Variants in TMEM230 observed in about 807,000 individuals in gnomAD.
TMEM230 encodes UPF0414 transmembrane protein C20orf30.
In TMEM230, 10 loss-of-function variants were observed where a neutral mutation model predicts 15.8. That is an observed-to-expected ratio of 0.63 (90% CI 0.39 to 1.07). The LOEUF (loss-of-function observed/expected upper bound fraction) is 1.07, where lower values mean the gene tolerates loss of function less well. Among genes scored for constraint, TMEM230 ranks in the 50% least tolerant of loss-of-function variants. The pLI is 0.01. For missense variants in TMEM230, 165 were observed against 193.3 expected (o/e 0.85, Z 0.87); for synonymous variants, 67 against 76.9 (o/e 0.87, Z 0.68).
At chr20:5,077,501 C>T (rs1157204981) in intron 3 of TMEM230, among the ~76,000 whole-genome samples, 5 of 137,176 alleles carry the variant, frequency 3.6e-5, no homozygotes, top group Admixed American at 3.6e-4. Context: ...GAGTTCCAGA[C>T]CAGCCTGGTC....
chr20:5,100,896 G>C lies in TMEM230; in HGVS notation c.447C>G (p.Gly149=), dbSNP rs1231708939. 1 of 1,614,196 alleles carries C rather than the reference G, an allele frequency of 6.2e-7. No individual in the cohort carries two copies. Among genetic ancestry groups the C allele is most frequent in the Admixed American group, 1.7e-5 (1 of 60,026 alleles). ...AAAATCCGGGTAGGAACACCAGAAT[G>C]CCAATGATCAGCACTGGAACGGCCC... The change falls in exon 5 of 5, where the codon GGC becomes GGG. Residue 149 remains glycine (G), a synonymous_variant. Transcript: ENST00000342308.
chr20:5,106,147 T>A (rs1433599478), intron 4 of TMEM230, 41 bp downstream of exon 3: 14 of 1,593,258 alleles, frequency 8.8e-6, no homozygotes, highest in South Asian at 3.4e-5. Flanking sequence ...GCTAACATTT[T>A]AAAAATCTCA....
the TMEM230 span, among the ~76,000 whole-genome samples, chr20:5,059,776 T>C: frequency 7.4e-6 from 1 of 134,914 alleles, no homozygotes; most frequent in African/African-American, 2.8e-5. Context: ...TTTTTTTTTT[T>C]TTTTTTTTTT....
At chr20:5,110,900 G>A (rs1479188489) in intron 2 of TMEM230, among the ~76,000 whole-genome samples, 4 of 152,170 alleles carry the variant, frequency 2.6e-5, no homozygotes, top group African/African-American at 9.7e-5. Flanking sequence ...TGTATTAATA[G>A]GCCGGGCGTG....
chr20:5,097,523 AACT>A (rs1185280566), downstream of TMEM230, among the ~76,000 whole-genome samples: 1 of 152,214 alleles, frequency 6.6e-6, no homozygotes, highest in Admixed American at 6.5e-5. Flanking sequence ...ACGGTTCCCC[AACT>A]ACTTCTACTG....
In TMEM230 at chr20:5,092,676, T is replaced by C. The variant is rs550076828; in HGVS notation, c.222+13512A>G. 4.0e-5 allele frequency among the ~76,000 whole-genome samples: 6 copies of C among 149,330 alleles called. No homozygotes were observed. The East Asian group carries it at 9.9e-4, about 25-fold the overall frequency. The stretch of plus-strand genomic sequence containing the variant: ...GTTGCAGTGAGCTGAGATCGCACCA[T>C]TGTACTCCAGCCTGGGCAACAAGAG... On this transcript the variant is annotated intron_variant, in intron 3 of 3. Coordinates refer to the TMEM230 transcript ENST00000612323.
At chr20:5,080,808 G>A (rs938728051) in intron 3 of TMEM230, among the ~76,000 whole-genome samples, 2 of 152,266 alleles carry the variant, frequency 1.3e-5, no homozygotes, top group South Asian at 4.1e-4. Flanking sequence ...TCCCAAAGCT[G>A]GGATTGTAGG....
intron 3 of TMEM230, among the ~76,000 whole-genome samples, chr20:5,084,048 C>G (rs2089259029): frequency 6.6e-6 from 1 of 152,050 alleles, no homozygotes; most frequent in African/African-American, 2.4e-5. Flanking sequence ...CAACTGTTCC[C>G]TTCTTTGTAC....
At chr20:5,082,777 G>A (rs553137150) in intron 3 of TMEM230, among the ~76,000 whole-genome samples, 107 of 152,242 alleles carry the variant, frequency 7.0e-4, no homozygotes, top group African/African-American at 2.5e-3. Flanking sequence ...AAGGCTATCT[G>A]TATATTGACA....
chr20:5,112,387 G>T (rs2090361228), intron 1 of TMEM230, among the ~76,000 whole-genome samples: 1 of 152,182 alleles, frequency 6.6e-6, no homozygotes, highest in African/African-American at 2.4e-5. Context: ...CAAACTACCA[G>T]TATGTGTGGT....
exon 4 of TMEM230, chr20:5,069,143 G>A (rs909608322): frequency 6.9e-7 from 1 of 1,454,938 alleles, no homozygotes; most frequent in African/African-American, 1.4e-5. Context: ...GACATTTTCA[G>A]TTTAGCCCTT....
intron 3 of TMEM230, among the ~76,000 whole-genome samples, chr20:5,089,807 C>G (rs761159024): frequency 6.6e-6 from 1 of 152,124 alleles, no homozygotes; most frequent in Non-Finnish European, 1.5e-5. Context: ...GACCTGAGGT[C>G]AGGAGTTCGA....
intron 3 of TMEM230, among the ~76,000 whole-genome samples, chr20:5,085,947 T>A (rs192559474): frequency 6.6e-6 from 1 of 152,226 alleles, no homozygotes; most frequent in South Asian, 2.1e-4. Context: ...CTCTCACAGG[T>A]GCTCCTCTCA....
chr20:5,080,796 C>A (rs56054606), intron 3 of TMEM230, among the ~76,000 whole-genome samples: 10,213 of 152,200 alleles, frequency 0.067, 921 homozygotes, highest in African/African-American at 0.21. Flanking sequence ...CTCACCTTGG[C>A]CTCCCAAAGC....
intron 1 of TMEM230, among the ~76,000 whole-genome samples, chr20:5,112,306 A>C (rs998935164): frequency 2.0e-5 from 3 of 152,240 alleles, no homozygotes; most frequent in Admixed American, 2.0e-4. Flanking sequence ...AAAAGATTGG[A>C]TCAAACTGTG....
At chr20:5,081,873 C>CTTTTTT (rs10547417) in intron 3 of TMEM230, among the ~76,000 whole-genome samples, 7 of 43,834 alleles carry the variant, frequency 1.6e-4, no homozygotes, top group African/African-American at 3.4e-4. Flanking sequence ...TCTTTTTTTT[C>CTTTTTT]TTTTTTTTTT....
chr20:5,075,993 T>C (rs1410685671), intron 3 of TMEM230, among the ~76,000 whole-genome samples: 1 of 151,700 alleles, frequency 6.6e-6, no homozygotes, highest in Non-Finnish European at 1.5e-5. Context: ...CCTGTGGTAC[T>C]AGCTACTTGT....
chr20:5,061,424 C>G, the TMEM230 span: 1 of 152,144 alleles, frequency 6.6e-6, no homozygotes, highest in Non-Finnish European at 1.5e-5. Context: ...GAATCTCAGA[C>G]CCACCCCAAA....
intron 3 of TMEM230, among the ~76,000 whole-genome samples, chr20:5,107,208 G>A (rs566000817): frequency 6.6e-6 from 1 of 152,310 alleles, no homozygotes; most frequent in South Asian, 2.1e-4. Flanking sequence ...ACGCTAAGCT[G>A]GGAGGATGGC....
Sources: gnomAD v4.1 joint callset for allele counts (sites outside exome capture counted in the v4.1 genomes callset) on GRCh38, gnomAD v4.1.1 for gene constraint, MANE v1.5 for transcripts, NCBI Gene and HGNC (gene_info 2026-07-23, HGNC 2026-07-21) for gene names.